Variants in PTK2 observed in about 807,000 individuals in gnomAD.
PTK2 encodes the protein protein tyrosine kinase 2.
In PTK2, 45 loss-of-function variants were observed where a neutral mutation model predicts 150.1. That is an observed-to-expected ratio of 0.30 (90% confidence interval 0.24 to 0.38). The LOEUF is 0.38. Among genes scored for constraint, PTK2 ranks in the 10% least tolerant of loss-of-function variants. The pLI, the probability that PTK2 is intolerant of heterozygous loss-of-function variation, is 1.00. For synonymous variants in PTK2, 432 were observed against 449.2 expected (o/e 0.96, Z 0.48); for missense variants, 919 against 1,307.3 (o/e 0.70, Z 4.58).
At chr8:140,974,194 C>G (rs571640562) in intron 1 of PTK2, among the ~76,000 whole-genome samples, 2 of 152,288 alleles carry the variant, frequency 1.3e-5, no homozygotes, top group African/African-American at 4.8e-5. Flanking sequence ...TGCTCGGCGG[C>G]CACCCTGCTT....
Position 140,929,981 on chromosome 8 carries a change from G to C in PTK2, c.-121-4232C>G, listed in dbSNP as rs1043130821. ...GTAGGGATCCCAAAATAATTGGACA[G>C]AGTCCCATCCCATAAGGAGTTGACA... is the stretch of plus-strand genomic sequence containing the variant. On this transcript the variant is annotated intron_variant, in intron 1 of 31. Transcript: ENST00000522684. Among the ~76,000 whole-genome samples, 4 of 152,122 alleles carry C rather than the reference G, an allele frequency of 2.6e-5. No homozygotes were observed. The East Asian group carries it at 7.7e-4, about 29-fold the overall frequency.
intron 10 of PTK2, among the ~76,000 whole-genome samples, chr8:140,816,841 T>C (rs2100104998): frequency 6.6e-6 from 1 of 152,228 alleles, no homozygotes; most frequent in Non-Finnish European, 1.5e-5. Flanking sequence ...TCTCACACAC[T>C]GCCAGTGACA....
chr8:140,667,133 T>C (rs1197357429), intron 30 of PTK2, among the ~76,000 whole-genome samples: 2 of 152,132 alleles, frequency 1.3e-5, no homozygotes, highest in Non-Finnish European at 2.9e-5. Flanking sequence ...AGAGGAGGGT[T>C]GTTTCAAATG....
At chr8:140,701,081 C>A (rs2100030141) in intron 25 of PTK2, 59 bp from the exon 29 acceptor site, 1 of 1,520,170 alleles carries the variant, frequency 6.6e-7, no homozygotes. Context: ...TATGCTCTTA[C>A]CTTGTTTTAT....
intron 1 of PTK2, among the ~76,000 whole-genome samples, chr8:140,940,848 G>A (rs1170082410): frequency 1.3e-5 from 2 of 151,900 alleles, no homozygotes; most frequent in Non-Finnish European, 2.9e-5. Flanking sequence ...ATGGTGGTGA[G>A]TACCTGCGCT....
rs144424151 is a variant in PTK2, at chr8:140,881,462, G to A, written c.196-1825C>T. On this transcript the variant is annotated intron_variant, in intron 3 of 31. Coordinates refer to ENST00000522684, the Ensembl canonical transcript of PTK2. ...GCTCTGCCAGATCAACACCCAGTACGCACCAACACCAGTTATCCTTGGTAA... is the reference window on the plus strand; with the variant it reads ...GCTCTGCCAGATCAACACCCAGTACACACCAACACCAGTTATCCTTGGTAA... Among the ~76,000 whole-genome samples the A allele has an allele frequency of 4.4e-3, 667 of 152,218 alleles. 4 individuals carry two copies. The highest frequency in any genetic ancestry group is 0.015 in the African/African-American group (633 of 41,512).
At chr8:140,944,907 T>C (rs1005794314) in intron 1 of PTK2, among the ~76,000 whole-genome samples, 2 of 152,238 alleles carry the variant, frequency 1.3e-5, no homozygotes, top group African/African-American at 4.8e-5. Context: ...ACTCATCTCT[T>C]GGTTTTTCAG....
At chr8:140,804,977 T>C (rs2100097441) in intron 10 of PTK2, among the ~76,000 whole-genome samples, 1 of 152,160 alleles carries the variant, frequency 6.6e-6, no homozygotes, top group Admixed American at 6.5e-5. Context: ...CCAGTTCTTT[T>C]TACTGGCTTC....
chr8:140,998,048 C>T (rs1319222845), intron 1 of PTK2, among the ~76,000 whole-genome samples: 2 of 152,172 alleles, frequency 1.3e-5, no homozygotes, highest in Non-Finnish European at 2.9e-5. Flanking sequence ...CTCATTTTAT[C>T]GCAGTGGTCT....
intron 2 of PTK2, among the ~76,000 whole-genome samples, chr8:140,916,407 C>A (rs1436956101): frequency 2.0e-5 from 3 of 152,240 alleles, no homozygotes; most frequent in Non-Finnish European, 4.4e-5. Context: ...ATTTTCCCAG[C>A]AAGAGCCTTT....
At chr8:140,895,581 A>G (rs1466093022) in intron 2 of PTK2, among the ~76,000 whole-genome samples, 1 of 152,130 alleles carries the variant, frequency 6.6e-6, no homozygotes, top group Non-Finnish European at 1.5e-5. Context: ...AAGGTTGAGT[A>G]TCTCTAAGAA....
Position 140,800,590 on chromosome 8 carries a change from G to C in PTK2, c.976-14C>G, listed in dbSNP as rs774924637. The C allele has an allele frequency of 3.8e-6, 6 of 1,597,152 alleles. No individual in the cohort carries two copies. The highest frequency in any genetic ancestry group is 5.1e-6 in the Non-Finnish European group (6 of 1,165,412). On this transcript the variant is annotated splice_polypyrimidine_tract_variant and intron_variant, in intron 11 of 31. Coordinates refer to ENST00000522684, the Ensembl canonical transcript of PTK2. ...CACTGTCAGAGGCTAACGGAGAAAA[G>C]ATCAAGAAAACAGACTTCATTGTTC...
intron 2 of PTK2, among the ~76,000 whole-genome samples, chr8:140,908,585 A>G (rs908179053): frequency 3.3e-5 from 5 of 152,206 alleles, no homozygotes; most frequent in Admixed American, 2.6e-4. Context: ...GCAGCTGGTG[A>G]TTTTAAGTTG....
chr8:140,861,425 CAAG>C (rs1254405645), intron 5 of PTK2, among the ~76,000 whole-genome samples: 11 of 151,904 alleles, frequency 7.2e-5, no homozygotes, highest in Admixed American at 2.6e-4. Flanking sequence ...ATTAAAAAGA[CAAG>C]AAGAGAAACT....
intron 16 of PTK2, among the ~76,000 whole-genome samples, chr8:140,756,946 G>A (rs548614682): frequency 4.0e-5 from 6 of 150,426 alleles, no homozygotes; most frequent in South Asian, 4.2e-4. Flanking sequence ...CTGACATGGC[G>A]CCACTGCACT....
upstream of PTK2, chr8:141,001,987 C>T (rs1404623320): frequency 1.3e-5 from 2 of 152,230 alleles, no homozygotes; most frequent in Admixed American, 1.3e-4. Flanking sequence ...GGAACGAGCC[C>T]TGCAATCCCT....
chr8:140,758,638 T>C (rs1384975394), intron 16 of PTK2, among the ~76,000 whole-genome samples: 1 of 152,084 alleles, frequency 6.6e-6, no homozygotes, highest in East Asian at 1.9e-4. Context: ...AAGAAAAAAG[T>C]TTAAAAAATT....
At chr8:140,954,557 A>G (rs1410070368) in intron 1 of PTK2, among the ~76,000 whole-genome samples, 2 of 152,106 alleles carry the variant, frequency 1.3e-5, no homozygotes, top group East Asian at 3.8e-4. Context: ...TGTCTCAGAA[A>G]AAAATATATA....
intron 14 of PTK2, among the ~76,000 whole-genome samples, chr8:140,781,857 G>A (rs1032857808): frequency 1.3e-5 from 2 of 152,192 alleles, no homozygotes; most frequent in African/African-American, 4.8e-5. Context: ...GAGAAGAAAC[G>A]GTATGACTAC....
Sources: allele counts gnomAD v4.1 joint callset (sites outside exome capture counted in the v4.1 genomes callset), GRCh38; gene constraint gnomAD v4.1.1; transcripts MANE v1.5; gene names NCBI Gene and HGNC (gene_info 2026-07-23, HGNC 2026-07-21).